The following EPRS1 variants were observed in gnomAD, a reference collection of about 807,000 sequenced individuals.
The protein encoded by EPRS1 is glutamyl-prolyl-tRNA synthetase 1.
In EPRS1, 107 loss-of-function variants were observed where a neutral mutation model predicts 188.3. The observed-to-expected ratio is 0.57, with a 90% confidence interval of 0.49 to 0.67. EPRS1 has a LOEUF of 0.67. Among genes scored for constraint, EPRS1 ranks in the 30% least tolerant of loss-of-function variants. EPRS1 has a pLI of 0.00. For missense variants in EPRS1, 1,577 were observed against 1,802.2 expected, an observed-to-expected ratio of 0.88 and a Z score of 2.26; for synonymous variants, 596 against 593.1, an observed-to-expected ratio of 1.00 and a Z score of -0.07.
intron 25 of EPRS1, 108 bp downstream of exon 25, chr1:219,980,648 A>C (rs1660876832): frequency 3.1e-6 from 2 of 652,976 alleles, no homozygotes; most frequent in Non-Finnish European, 5.4e-6. Flanking sequence ...CATTTGAATT[A>C]ATTTGATTTT....
At position 219,979,531 on chromosome 1, in the gene EPRS1, G is replaced by C; in HGVS notation, c.3796C>G (p.Gln1266Glu). The C allele has an allele frequency of 6.2e-7, 1 of 1,613,724 alleles. No homozygotes were observed. The highest frequency in any genetic ancestry group is 8.5e-7 in the Non-Finnish European group (1 of 1,179,696). ...CCCCAGGAGTTTTGATAGGCAAATT[G>C]CTTCTCTCCTGGTATCTTTGGATCT... ...FEDPKIPGEK[Q>E]FAYQNSWGLT... The change falls in exon 27 of 32, where the codon CAA (glutamine) becomes GAA (glutamate). Residue 1266 changes from glutamine to glutamate, a missense_variant. This residue lies in a region of EPRS1 where 296 missense variants were observed against 327.9 expected (regional missense o/e 0.90). Coordinates refer to ENST00000366923, the MANE Select transcript of EPRS1 (RefSeq NM_004446.3).
intron 19 of EPRS1, 120 bp from the exon 20 acceptor site, chr1:219,987,524 A>C: frequency 2.4e-6 from 2 of 817,570 alleles, no homozygotes; most frequent in South Asian, 3.8e-5. Context: ...CACACGGGGA[A>C]TGTGCCCAGG....
At chr1:220,036,219 C>T (rs1039700402) in intron 2 of EPRS1, among the ~76,000 whole-genome samples, 4 of 152,128 alleles carry the variant, frequency 2.6e-5, no homozygotes, top group Non-Finnish European at 4.4e-5. Flanking sequence ...AACAAAAAAC[C>T]ACACACTGTT....
At chr1:220,044,496 G>A (rs115161207) in intron 1 of EPRS1, among the ~76,000 whole-genome samples, 1,558 of 151,966 alleles carry the variant, frequency 0.01, 41 homozygotes, top group African/African-American at 0.036. Context: ...AGGCCAAGGC[G>A]GGCGGACTGC....
In EPRS1 at chr1:219,973,409, A is replaced by C. The variant is rs1258463945; in HGVS notation, c.4084-11T>G. 4 of 1,593,146 alleles carry C rather than the reference A, an allele frequency of 2.5e-6. No individual in the cohort carries two copies. Among genetic ancestry groups the C allele is most frequent in the Non-Finnish European group, 3.4e-6 (4 of 1,167,640 alleles). On this transcript the variant is annotated splice_polypyrimidine_tract_variant and intron_variant, in intron 28 of 31. Transcript: ENST00000366923. ...TCTAATGGGAACTCCCTATAAGATA[A>C]AAAAGGCAGTTAAAATGATATATGA...
chr1:219,982,003 C>T (rs187043718), intron 23 of EPRS1, among the ~76,000 whole-genome samples: 2 of 152,308 alleles, frequency 1.3e-5, no homozygotes, highest in East Asian at 3.9e-4. Context: ...AGTGAAGATA[C>T]CTGTCTTAGA....
chr1:219,996,277 C>T (rs1390951619), intron 18 of EPRS1, among the ~76,000 whole-genome samples: 1 of 152,180 alleles, frequency 6.6e-6, no homozygotes, highest in Non-Finnish European at 1.5e-5. Context: ...AATTTGAAGG[C>T]TCTGCTATGA....
At chr1:219,990,046 T>C (rs926219306) in intron 18 of EPRS1, among the ~76,000 whole-genome samples, 2 of 151,862 alleles carry the variant, frequency 1.3e-5, no homozygotes, top group Admixed American at 6.6e-5. Context: ...TTGATGACTA[T>C]TTGAAAGAAG....
intron 13 of EPRS1, among the ~76,000 whole-genome samples, chr1:220,007,879 G>A (rs1661522414): frequency 6.6e-6 from 1 of 152,144 alleles, no homozygotes. Flanking sequence ...CAGCTGAGGT[G>A]AGCAGATCAC....
Position 220,032,384 on chromosome 1 carries a change from T to C in EPRS1, c.528+3A>G. On this transcript the variant is annotated splice_donor_region_variant and intron_variant, in intron 5 of 31. Transcript: ENST00000366923. ...TTTTAAAAAAAAAGAAAAAAAGGCT[T>C]ACCACTCGAGCTTTGGTTGTTGAAA... 1 of 1,581,650 alleles carries C rather than the reference T, an allele frequency of 6.3e-7. No individual in the cohort carries two copies. Among genetic ancestry groups the C allele is most frequent in the Non-Finnish European group, 8.5e-7 (1 of 1,171,330 alleles).
intron 12 of EPRS1, among the ~76,000 whole-genome samples, chr1:220,012,629 T>A (rs1015309726): frequency 6.6e-6 from 1 of 152,242 alleles, no homozygotes; most frequent in Non-Finnish European, 1.5e-5. Context: ...TCTAAAAATA[T>A]GCAATTCTAA....
chr1:219,987,448 T>C (rs1661028026), intron 19 of EPRS1, 44 bp from the exon 20 acceptor site: 1 of 1,489,956 alleles, frequency 6.7e-7, no homozygotes, highest in Non-Finnish European at 9.1e-7. Context: ...AGTATTTAAC[T>C]CAAGTCATTG....
intron 16 of EPRS1, among the ~76,000 whole-genome samples, chr1:220,004,550 C>T (rs893128691): frequency 8.6e-5 from 13 of 151,892 alleles, no homozygotes; most frequent in African/African-American, 2.4e-4. Flanking sequence ...GCAACACAAA[C>T]GACAGAGTTT....
At chr1:220,003,930 G>C (rs568242100) in intron 16 of EPRS1, among the ~76,000 whole-genome samples, 65 of 152,336 alleles carry the variant, frequency 4.3e-4, no homozygotes, top group Admixed American at 2.5e-3. Flanking sequence ...GAAGGGATCA[G>C]GGCGAGAAAA....
At chr1:220,026,743 G>T (rs1223887754) in intron 6 of EPRS1, among the ~76,000 whole-genome samples, 1 of 151,690 alleles carries the variant, frequency 6.6e-6, no homozygotes, top group East Asian at 1.9e-4. Flanking sequence ...TGTTAGCCAG[G>T]ATGGTCTCGA....
At position 220,018,991 on chromosome 1, in the gene EPRS1, G is replaced by T. The variant is rs376373092; in HGVS notation, c.1434+4C>A. 1 of 1,597,222 alleles carries T rather than the reference G, an allele frequency of 6.3e-7. No homozygotes were observed. The highest frequency in any genetic ancestry group is 8.6e-7 in the Non-Finnish European group (1 of 1,165,322). ...GACAAGCTGGAAAAGAAACTGTAAC[G>T]CACCTGAGCAGCAATAAACTGTTTC... On this transcript the variant is annotated splice_donor_region_variant and intron_variant, in intron 11 of 31. Transcript: ENST00000366923.
chr1:220,034,965 TC>T lies in EPRS1; in HGVS notation c.179del (p.Arg60LysfsTer13). 1 of 1,604,070 alleles carries T rather than the reference TC, an allele frequency of 6.2e-7. No homozygotes were observed. The highest frequency in any genetic ancestry group is 8.5e-7 in the Non-Finnish European group (1 of 1,174,732). On this transcript the variant is annotated frameshift_variant, in exon 3 of 32. Coordinates refer to ENST00000366923, the MANE Select transcript of EPRS1 (RefSeq NM_004446.3). LOFTEE classifies it high-confidence loss of function. ...CATATAACCCAGCTGTAGTTGCAAC[TC>T]TAGCCAAGTAGCGAAGTATAGAATT... is the stretch of plus-strand genomic sequence containing the variant. Reference protein sequence around the residue: ...DVNSILRYLARVATTAGLYGS... With the variant: ...DVNSILRYLAXVATTAGLYGS...
intron 6 of EPRS1, among the ~76,000 whole-genome samples, chr1:220,027,589 CAAAAAAAA>C (rs374947643): frequency 1.3e-5 from 1 of 78,562 alleles, no homozygotes; most frequent in African/African-American, 5.1e-5. Flanking sequence ...GAGGCTATGT[CAAAAAAAA>C]AAAAAAAAAA....
intron 13 of EPRS1, among the ~76,000 whole-genome samples, chr1:220,010,705 G>T (rs1352303353): frequency 6.6e-6 from 1 of 151,708 alleles, no homozygotes; most frequent in Non-Finnish European, 1.5e-5. Flanking sequence ...AGCTACTCAG[G>T]AGGCTGAGGC....
Sources: allele counts gnomAD v4.1 joint callset (sites outside exome capture counted in the v4.1 genomes callset), GRCh38; gene constraint gnomAD v4.1.1; regional missense constraint gnomAD v4.1.1; transcripts MANE v1.5; gene names NCBI Gene and HGNC (gene_info 2026-07-23, HGNC 2026-07-21).